Variants in NLRC5 observed in about 807,000 individuals in gnomAD.
The protein encoded by NLRC5 is protein NLRC5.
In NLRC5, 114 loss-of-function variants were observed where a neutral mutation model predicts 206.9. That is an observed-to-expected ratio of 0.55 (90% CI 0.47 to 0.64). The LOEUF is 0.64. Among genes scored for constraint, NLRC5 ranks in the 30% least tolerant of loss-of-function variants. NLRC5 has a pLI of 0.00. For synonymous variants in NLRC5, 952 were observed against 962.8 expected (o/e 0.99, Z 0.21); for missense variants, 2,008 against 2,305.5 (o/e 0.87, Z 2.64).
intron 22 of NLRC5, 55 bp downstream of exon 22, chr16:57,046,696 G>A: frequency 3.5e-6 from 5 of 1,433,516 alleles, no homozygotes; most frequent in Non-Finnish European, 4.9e-6. Flanking sequence ...TGAGGCGTCA[G>A]AGGGGGCAGA....
At chr16:57,056,013 C>G (rs772406746) in intron 27 of NLRC5, among the ~76,000 whole-genome samples, 2 of 152,194 alleles carry the variant, frequency 1.3e-5, no homozygotes, top group Non-Finnish European at 2.9e-5. Flanking sequence ...AGCACTTTCT[C>G]CACTGTTCTA....
At chr16:57,035,749 G>A (rs118063294) in intron 13 of NLRC5, among the ~76,000 whole-genome samples, 1 of 152,298 alleles carries the variant, frequency 6.6e-6, no homozygotes, top group Non-Finnish European at 1.5e-5. Context: ...AAGAGTTGAG[G>A]GTGGGGCCTT....
intron 2 of NLRC5, 22 bp from the exon 3 acceptor site, chr16:57,020,679 C>T: frequency 1.3e-6 from 2 of 1,587,550 alleles, no homozygotes; most frequent in South Asian, 2.2e-5. Flanking sequence ...CCTCAACTCA[C>T]CTATCTTCCC....
intron 5 of NLRC5, among the ~76,000 whole-genome samples, chr16:57,025,149 TA>T (rs1238262932): frequency 6.6e-5 from 10 of 152,302 alleles, no homozygotes. Context: ...CCTGCCTGTT[TA>T]AATAGCTACC....
At chr16:57,040,892 AC>A (rs2063198581) in intron 17 of NLRC5, among the ~76,000 whole-genome samples, 174 bp downstream of exon 17, 1 of 144,236 alleles carries the variant, frequency 6.9e-6, no homozygotes, top group African/African-American at 2.5e-5. Flanking sequence ...TGCCCAGCCC[AC>A]CCCAGACAGG....
chr16:57,066,627 A>C lies in NLRC5; in HGVS notation c.4322+13A>C. 6.2e-7 allele frequency: 1 copy of C among 1,610,760 alleles called. No individual in the cohort carries two copies. The highest frequency in any genetic ancestry group is 8.5e-7 in the Non-Finnish European group (1 of 1,177,124). On this transcript the variant is annotated intron_variant, in intron 34 of 48. Transcript: ENST00000688547. ...CTGTGGCACTCAGGTGGGACCCAGC[A>C]CCAGGGACCCCAAGGCAGGGGCTGG...
rs144514123 is a variant in NLRC5, at chr16:57,025,605, C to G, written c.662C>G (p.Pro221Arg). The stretch of plus-strand genomic sequence containing the variant: ...TTCAACACCAGGGTTAACAAGGGCC[C>G]GAGGGTGACCGTGCTTTTGGGGAAG... ...DLFNTRVNKG[P>R]RVTVLLGKAG... The change falls in exon 6 of 49, where the codon CCG (proline) becomes CGG (arginine). Residue 221 changes from proline to arginine, a missense_variant. Physicochemically the swap from Pro to Arg is moderately radical, Grantham distance 103. Coordinates refer to ENST00000688547, the MANE Select transcript of NLRC5 (RefSeq NM_001384950.1). The G allele has an allele frequency of 5.6e-6, 9 of 1,614,128 alleles. No homozygotes were observed. Among genetic ancestry groups the G allele is most frequent in the Non-Finnish European group, 7.6e-6 (9 of 1,180,018 alleles).
chr16:57,051,420 G>A, intron 23 of NLRC5, 118 bp from the exon 24 acceptor site: 1 of 741,736 alleles, frequency 1.3e-6, no homozygotes, highest in Non-Finnish European at 2.4e-6. Context: ...AGTGCTGGGA[G>A]GGAATGTTTC....
At chr16:57,006,870 G>T (rs1172983477) in intron 1 of NLRC5, among the ~76,000 whole-genome samples, 1 of 116,466 alleles carries the variant, frequency 8.6e-6, no homozygotes, top group Non-Finnish European at 1.9e-5. Flanking sequence ...TTGAGACAGG[G>T]TCACAAAACC....
In NLRC5 at chr16:57,055,439, C is replaced by T. The variant is rs746401046; in HGVS notation, c.3666C>T (p.Phe1222=). 32 of 1,613,724 alleles carry T rather than the reference C, an allele frequency of 2.0e-5. No homozygotes were observed. Among genetic ancestry groups the T allele is most frequent in the Non-Finnish European group, 1.8e-5 (21 of 1,179,882 alleles). ...EEEEGVCCGR[F]TGCSLSQEHV... Reference sequence around the variant, plus strand: ...CCCCTTTACCTCCGTCCAGCAGGTTCACAGGCTGCAGCCTCAGCCAGGAGC... The same window carrying T: ...CCCCTTTACCTCCGTCCAGCAGGTTTACAGGCTGCAGCCTCAGCCAGGAGC... The change falls in exon 27 of 49, where the codon TTC becomes TTT. Residue 1222 remains phenylalanine, a synonymous_variant. Coordinates refer to ENST00000688547, the MANE Select transcript of NLRC5 (RefSeq NM_001384950.1).
In NLRC5 at chr16:57,066,531, C is replaced by T; in HGVS notation, c.4242-3C>T. 6.2e-7 allele frequency: 1 copy of T among 1,613,952 alleles called. No homozygotes were observed. The highest frequency in any genetic ancestry group is 8.5e-7 in the Non-Finnish European group (1 of 1,179,982). On this transcript the variant is annotated splice_region_variant and splice_polypyrimidine_tract_variant and intron_variant, in intron 33 of 48. Transcript: ENST00000688547. ...CTCACGTTGGTTACTGCTCACTCCT[C>T]AGCATCTCCGAGACCCAGCAGCAGC... is the stretch of plus-strand genomic sequence containing the variant.
chr16:57,005,160 G>A (rs952683808), intron 1 of NLRC5, among the ~76,000 whole-genome samples: 1 of 152,106 alleles, frequency 6.6e-6, no homozygotes, highest in Non-Finnish European at 1.5e-5. Context: ...AAAGTTCATC[G>A]GGTTTTATTT....
chr16:57,031,535 A>G, intron 11 of NLRC5, 72 bp downstream of exon 11: 1 of 1,444,402 alleles, frequency 6.9e-7, no homozygotes, highest in South Asian at 1.2e-5. Context: ...TTGAGGGGAA[A>G]GGTGACCAAG....
intron 22 of NLRC5, 74 bp from the exon 23 acceptor site, chr16:57,047,471 G>A (rs545964038): frequency 1.5e-6 from 2 of 1,307,158 alleles, no homozygotes; most frequent in East Asian, 2.5e-5. Flanking sequence ...CTGGGAGAAG[G>A]ATAGAGCCCC....
chr16:57,013,739 C>A, intron 1 of NLRC5: 2 of 723,264 alleles, frequency 2.8e-6, no homozygotes, highest in Non-Finnish European at 5.0e-6. Context: ...GTCAACAATA[C>A]GTTTACAATT....
At chr16:57,077,200 C>T in intron 40 of NLRC5, 96 bp from the exon 41 acceptor site, 1 of 1,128,190 alleles carries the variant, frequency 8.9e-7, no homozygotes, top group Non-Finnish European at 1.3e-6. Context: ...GAGTCGAGGC[C>T]CTTCCTGGGA....
intron 1 of NLRC5, among the ~76,000 whole-genome samples, chr16:57,000,422 C>G (rs181691315): frequency 6.6e-6 from 1 of 152,248 alleles, no homozygotes; most frequent in East Asian, 1.9e-4. Flanking sequence ...TTTCCAATGA[C>G]CAGAAGAAGA....
At chr16:57,036,701 C>T (rs550571084) in intron 14 of NLRC5, among the ~76,000 whole-genome samples, 3 of 150,528 alleles carry the variant, frequency 2.0e-5, no homozygotes, top group Admixed American at 6.6e-5. Flanking sequence ...AAGTGTGGGT[C>T]GGGTTTGGGG....
In NLRC5 at chr16:57,082,836, C is replaced by G. The variant is rs1231243174; in HGVS notation, c.*308C>G. 1.5e-5 allele frequency: 4 copies of G among 258,146 alleles called. No homozygotes were observed. The highest frequency in any genetic ancestry group is 8.6e-5 in the South Asian group (1 of 11,648). The allele number at this position is 258,146 out of a possible 1,614,324, so 16.0% of individuals were successfully genotyped here. On this transcript the variant is annotated 3_prime_UTR_variant, in exon 49 of 49. Coordinates refer to ENST00000688547, the MANE Select transcript of NLRC5 (RefSeq NM_001384950.1). The stretch of plus-strand genomic sequence containing the variant: ...TACGGTTATATGTGGCAGTGTGACC[C>G]CTTGACATGTGGCGTTACATGAAAG...
Sources: allele counts gnomAD v4.1 joint callset (sites outside exome capture counted in the v4.1 genomes callset), GRCh38; gene constraint gnomAD v4.1.1; transcripts MANE v1.5; gene names NCBI Gene and HGNC (gene_info 2026-07-23, HGNC 2026-07-21).